Variants in USP20 observed in about 807,000 individuals in gnomAD.
USP20 encodes ubiquitin carboxyl-terminal hydrolase 20.
A neutral mutation model predicts 124.2 loss-of-function variants in USP20; 80 were observed. The ratio of observed to expected loss-of-function variants is 0.64; its 90% CI spans 0.54 to 0.78. The LOEUF (loss-of-function observed/expected upper bound fraction) is 0.78. USP20 is among the 30% of genes least tolerant of loss of function. The probability of loss-of-function intolerance (pLI) is 0.00; values close to 1 mark genes in which losing one functional copy is unlikely to be tolerated. For missense variants in USP20, 1,043 were observed against 1,244.4 expected, an observed-to-expected ratio of 0.84 and a Z score of 2.44; for synonymous variants, 481 against 512.3, an observed-to-expected ratio of 0.94 and a Z score of 0.83.
At chr9:129,866,207 T>C (rs973632078) in intron 10 of USP20, among the ~76,000 whole-genome samples, 9 of 85,868 alleles carry the variant, frequency 1.0e-4, no homozygotes, top group African/African-American at 1.6e-4. Flanking sequence ...GTGGCAGTCA[T>C]GTGGGGACAA....
intron 9 of USP20, among the ~76,000 whole-genome samples, chr9:129,864,770 TCC>T (rs1449463481): frequency 7.3e-5 from 2 of 27,444 alleles, no homozygotes; most frequent in South Asian, 3.1e-3. Context: ...CAAGACTCTG[TCC>T]CAAAAAAAAA....
intron 10 of USP20, among the ~76,000 whole-genome samples, chr9:129,867,508 T>TAGAGCAC (rs1564212658): frequency 3.3e-5 from 5 of 151,916 alleles, no homozygotes; most frequent in Admixed American, 6.5e-5. Flanking sequence ...GGGTAGAGCA[T>TAGAGCAC]GCAGGCAGTC....
At chr9:129,863,323 T>A (rs2900279) in intron 9 of USP20, 24 bp downstream of exon 9, 1 of 1,526,544 alleles carries the variant, frequency 6.6e-7, no homozygotes. Flanking sequence ...TCCCTAGCCT[T>A]GGGCGGTGTG....
At position 129,852,421 on chromosome 9, in the gene USP20, C is replaced by G. The variant is rs1166393159; in HGVS notation, c.-16-119C>G. The G allele has an allele frequency of 3.9e-6, 3 of 762,508 alleles. No individual in the cohort carries two copies. The African/African-American group carries it at 5.3e-5, about 13-fold the overall frequency. The allele number at this position is 762,508 out of a possible 1,614,324, so 47.2% of individuals were successfully genotyped here. A position where few individuals can be genotyped will look rare whatever the true frequency, so the allele number is the denominator to read the frequency against. On this transcript the variant is annotated intron_variant, in intron 2 of 25. Coordinates refer to ENST00000372429, the MANE Select transcript of USP20 (RefSeq NM_001110303.4). ...GAGGTTAAGCAACTTCCCTGCGTTA[C>G]CAGCTGGTTTGTGGCAGACCAGGAC...
intron 8 of USP20, among the ~76,000 whole-genome samples, chr9:129,862,192 C>G (rs1467961574): frequency 1.3e-5 from 2 of 152,110 alleles, no homozygotes; most frequent in Non-Finnish European, 2.9e-5. Flanking sequence ...GTCTGGAAGG[C>G]TATGTCCCAA....
At chr9:129,845,260 G>A (rs1315194372) in intron 1 of USP20, among the ~76,000 whole-genome samples, 1 of 152,026 alleles carries the variant, frequency 6.6e-6, no homozygotes, top group Non-Finnish European at 1.5e-5. Flanking sequence ...GGCCTGGAGA[G>A]CTCCAGGGAA....
Position 129,874,647 on chromosome 9 carries a change from C to T in USP20, c.1812C>T (p.Ser604=), listed in dbSNP as rs779225296. 1 of 1,613,962 alleles carries T rather than the reference C, an allele frequency of 6.2e-7. No homozygotes were observed. The highest frequency in any genetic ancestry group is 2.2e-5 in the East Asian group (1 of 44,868). ...CATTCAAGATCAACAGCCACGTCTC[C>T]TTCCCCCTCGAGGGGCTCGACCTGC... ...MYSFKINSHV[S]FPLEGLDLRP... Residue 604 remains serine (S), a synonymous_variant, in exon 18 of 26, where the codon TCC becomes TCT. Transcript: ENST00000372429.
intron 22 of USP20, 119 bp downstream of exon 22, chr9:129,876,357 G>A (rs958173508): frequency 2.0e-5 from 16 of 800,210 alleles, no homozygotes; most frequent in Non-Finnish European, 3.0e-5. Context: ...AGTCTTTTGA[G>A]GCTGGGCATG....
At chr9:129,869,031 C>T (rs185840574) in intron 12 of USP20, 29 bp downstream of exon 12, 253 of 1,584,082 alleles carry the variant, frequency 1.6e-4, no homozygotes, top group Non-Finnish European at 2.0e-4. Flanking sequence ...GGTGGGTCAG[C>T]TTGAGGCTGG....
At chr9:129,858,189 C>T in intron 5 of USP20, 77 bp downstream of exon 5, 1 of 1,466,918 alleles carries the variant, frequency 6.8e-7, no homozygotes, top group East Asian at 2.3e-5. Context: ...CCTTCCCACT[C>T]TGGGCCTAAA....
At chr9:129,848,459 A>G (rs11788903) in intron 1 of USP20, among the ~76,000 whole-genome samples, 24,175 of 151,764 alleles carry the variant, frequency 0.16, 2,335 homozygotes, top group Non-Finnish European at 0.21. Flanking sequence ...AGTTGCAAGA[A>G]TGTAAGTCCA....
intron 10 of USP20, 139 bp from the exon 11 acceptor site, chr9:129,867,866 G>T: frequency 9.8e-7 from 1 of 1,023,618 alleles, no homozygotes; most frequent in Non-Finnish European, 1.4e-6. Context: ...AGGCCGCTGT[G>T]GGGGTGAGCA....
chr9:129,863,141 G>GTC, intron 8 of USP20, 45 bp from the exon 9 acceptor site: 1 of 1,449,118 alleles, frequency 6.9e-7, no homozygotes, highest in South Asian at 1.3e-5. Flanking sequence ...ACTGCCGCAT[G>GTC]CCTCATTTGC....
intron 2 of USP20, among the ~76,000 whole-genome samples, chr9:129,850,719 G>C (rs750340754): frequency 1.2e-4 from 18 of 152,050 alleles, no homozygotes; most frequent in Admixed American, 5.9e-4. Context: ...TCAATGGCAC[G>C]ATGTTGGCTT....
intron 21 of USP20, 135 bp downstream of exon 21, chr9:129,875,776 G>A (rs1019856334): frequency 2.8e-5 from 22 of 783,156 alleles, no homozygotes; most frequent in Middle Eastern, 2.7e-4. Context: ...GCACAGAGCC[G>A]CCTTCACTTG....
chr9:129,876,303 G>C, intron 22 of USP20, 65 bp downstream of exon 22: 2 of 1,397,042 alleles, frequency 1.4e-6, no homozygotes, highest in Non-Finnish European at 2.0e-6. Flanking sequence ...CTGGGGACTT[G>C]GGGACAGAAG....
At chr9:129,836,669 G>GT (rs1450193476) in intron 1 of USP20, among the ~76,000 whole-genome samples, 1 of 152,218 alleles carries the variant, frequency 6.6e-6, no homozygotes, top group African/African-American at 2.4e-5. Context: ...CACTGAGATT[G>GT]TTCTTCTCTT....
At chr9:129,846,787 C>T (rs755758235) in intron 1 of USP20, among the ~76,000 whole-genome samples, 9 of 151,790 alleles carry the variant, frequency 5.9e-5, no homozygotes, top group African/African-American at 1.2e-4. Context: ...CCACCACGCC[C>T]GGCTAATTTT....
rs892535438 is a variant in USP20 at position 129,879,735 on chromosome 9, C to A, written c.2584+91C>A. On this transcript the variant is annotated intron_variant, in intron 24 of 25. Transcript: ENST00000372429. The surrounding 1 kb of genome is among the most constrained non-coding windows in gnomAD (Gnocchi z 4.2). ...TCCCGTCCTTCCAGGAGCCCCCTTACCACCTGTCTTAGAGTCAGGCTGAGA... is the reference window on the plus strand; with the variant it reads ...TCCCGTCCTTCCAGGAGCCCCCTTAACACCTGTCTTAGAGTCAGGCTGAGA... 3 of 1,453,078 alleles carry A rather than the reference C, an allele frequency of 2.1e-6. No individual in the cohort carries two copies. In the African/African-American group the frequency reaches 4.2e-5, roughly 20 times the overall value. 90.0% of individuals were successfully genotyped at this position (1,453,078 alleles called of 1,614,324 possible).
Sources: gnomAD v4.1 joint callset for allele counts (sites outside exome capture counted in the v4.1 genomes callset) on GRCh38, gnomAD v4.1.1 for gene constraint, Gnocchi (gnomAD v3.1) non-coding constraint, MANE v1.5 for transcripts, NCBI Gene and HGNC (gene_info 2026-07-23, HGNC 2026-07-21) for gene names.